Variants in ZNF462 observed in about 807,000 individuals in gnomAD.
The protein encoded by ZNF462 is zinc finger protein 462.
In ZNF462, 10 loss-of-function variants were observed where a neutral mutation model predicts 201.9. The ratio of observed to expected loss-of-function variants is 0.05; its 90% confidence interval spans 0.03 to 0.08. The LOEUF (loss-of-function observed/expected upper bound fraction) is 0.08. ZNF462 is among the 10% of genes least tolerant of loss of function. The pLI is 1.00. For missense variants in ZNF462, 2,523 were observed against 3,168.3 expected (o/e 0.80, Z 4.89); for synonymous variants, 1,227 against 1,193.3 (o/e 1.03, Z -0.58).
intron 10 of ZNF462, among the ~76,000 whole-genome samples, chr9:106,994,466 T>G (rs1191152979): frequency 6.6e-6 from 1 of 152,138 alleles, no homozygotes; most frequent in African/African-American, 2.4e-5. Context: ...AAGAAGAATT[T>G]TTCCCAAATC....
At chr9:106,860,798 C>T (rs927047013), upstream of ZNF462, among the ~76,000 whole-genome samples, 2 of 152,150 alleles carry the variant, frequency 1.3e-5, no homozygotes, top group African/African-American at 4.8e-5. The surrounding 1 kb of genome is among the most constrained non-coding windows in gnomAD (Gnocchi z 7.1). Flanking sequence ...AGACACCCCC[C>T]GGGTCCCGGT....
In ZNF462 at chr9:106,972,344, C is replaced by T. The variant is rs1826665307; in HGVS notation, c.6695+72C>T. The T allele has an allele frequency of 6.5e-7, 1 of 1,548,072 alleles. No individual in the cohort carries two copies. Among genetic ancestry groups the T allele is most frequent in the Admixed American group, 1.9e-5 (1 of 52,510 alleles). ...GCTCCACCCCTCACTGCAGGCTTCC[C>T]TTACACTTTCCTACTTGGAGCTTAT... On this transcript the variant is annotated intron_variant, in intron 8 of 12. Coordinates refer to ENST00000277225, the MANE Select transcript of ZNF462 (RefSeq NM_021224.6). The surrounding 1 kb of genome is among the most constrained non-coding windows in gnomAD (Gnocchi z 4.8).
intron 7 of ZNF462, among the ~76,000 whole-genome samples, chr9:106,964,256 G>A (rs565190426): frequency 7.2e-5 from 11 of 152,014 alleles, no homozygotes; most frequent in Middle Eastern, 3.4e-3. Flanking sequence ...GCTATTTTCC[G>A]TGAGACTGTA....
rs1191215174 is a variant in ZNF462 at position 106,865,475 on chromosome 9, TA to T, written c.-31+2126del. ...TGATTTGAGTTGATTTCTGCAAATATAAAAAATAATAAGAATAATCCTGCAA... is the reference window on the plus strand; with the variant it reads ...TGATTTGAGTTGATTTCTGCAAATATAAAAATAATAAGAATAATCCTGCAA... On this transcript the variant is annotated intron_variant, in intron 1 of 12. Coordinates refer to ENST00000277225, the MANE Select transcript of ZNF462 (RefSeq NM_021224.6). This position sits in a 1 kb window ranked among gnomAD's most constrained non-coding sequence, Gnocchi z 4.1. 6.6e-6 allele frequency among the ~76,000 whole-genome samples: 1 copy of T among 152,178 alleles called. No homozygotes were observed. The highest frequency in any genetic ancestry group is 2.4e-5 in the African/African-American group (1 of 41,436).
chr9:106,862,951 TTCTC>T (rs1328714890), upstream of ZNF462: 1 of 394,188 alleles, frequency 2.5e-6, no homozygotes, highest in East Asian at 3.6e-5. The surrounding 1 kb of genome is among the most constrained non-coding windows in gnomAD (Gnocchi z 4.2). Flanking sequence ...ATTGTCTTCC[TTCTC>T]TCTTTCTGTC....
chr9:106,939,159 G>T, intron 7 of ZNF462, 52 bp downstream of exon 7: 1 of 1,432,506 alleles, frequency 7.0e-7, no homozygotes, highest in Non-Finnish European at 9.3e-7. Flanking sequence ...GAGGTGGGCT[G>T]GGATTCATTG....
At chr9:106,912,380 G>T (rs534376852) in intron 1 of ZNF462, among the ~76,000 whole-genome samples, 1 of 151,890 alleles carries the variant, frequency 6.6e-6, no homozygotes, top group East Asian at 1.9e-4. Flanking sequence ...TGCCTAAGAA[G>T]TTCTTTGAAT....
At chr9:106,971,714 G>A (rs942719897) in intron 7 of ZNF462, among the ~76,000 whole-genome samples, 4 of 152,130 alleles carry the variant, frequency 2.6e-5, no homozygotes, top group Non-Finnish European at 5.9e-5. Flanking sequence ...AATTTGTGTG[G>A]TGTACTTGAA....
chr9:106,920,465 T>C lies in ZNF462; in HGVS notation c.-30-2889T>C, dbSNP rs1206065949. On this transcript the variant is annotated intron_variant, in intron 1 of 12. Transcript: ENST00000277225. The surrounding 1 kb of genome is among the most constrained non-coding windows in gnomAD (Gnocchi z 4.3). Reference sequence around the variant, plus strand: ...TTCAGTACTTGGTGCAGACATGAAATTGAAGGCCATTCAGCTCTACCTGAT... The same window carrying C: ...TTCAGTACTTGGTGCAGACATGAAACTGAAGGCCATTCAGCTCTACCTGAT... Among the ~76,000 whole-genome samples, 1 of 152,216 alleles carries C rather than the reference T, an allele frequency of 6.6e-6. No homozygotes were observed. Among genetic ancestry groups the C allele is most frequent in the Non-Finnish European group, 1.5e-5 (1 of 68,034 alleles).
In ZNF462 at chr9:106,993,262, A is replaced by T. The variant is rs1372690120; in HGVS notation, c.7056+8853A>T. 1.3e-5 allele frequency among the ~76,000 whole-genome samples: 2 copies of T among 152,118 alleles called. No homozygotes were observed. The highest frequency in any genetic ancestry group is 4.8e-5 in the African/African-American group (2 of 41,430). On this transcript the variant is annotated intron_variant, in intron 10 of 12. Coordinates refer to ENST00000277225, the MANE Select transcript of ZNF462 (RefSeq NM_021224.6). The surrounding 1 kb of genome is among the most constrained non-coding windows in gnomAD (Gnocchi z 4.0). Reference sequence around the variant, plus strand: ...TCAGACTATATCATCCACGGACTGGACAGAATCCTGGTACCAGCAAGAAAG... The same window carrying T: ...TCAGACTATATCATCCACGGACTGGTCAGAATCCTGGTACCAGCAAGAAAG...
At chr9:107,004,875 C>G (rs1829439055) in intron 11 of ZNF462, among the ~76,000 whole-genome samples, 1 of 151,974 alleles carries the variant, frequency 6.6e-6, no homozygotes, top group Non-Finnish European at 1.5e-5. Flanking sequence ...CTCCCCAAAC[C>G]CCGAGCCCCT....
At chr9:106,887,176 T>G (rs1828358172) in intron 1 of ZNF462, among the ~76,000 whole-genome samples, 1 of 152,100 alleles carries the variant, frequency 6.6e-6, no homozygotes, top group Non-Finnish European at 1.5e-5. Context: ...AATGATAAGG[T>G]TTTCACCATA....
Position 106,923,513 on chromosome 9 carries a change from C to G in ZNF462, c.130C>G (p.Leu44Val). The G allele has an allele frequency of 6.2e-7, 1 of 1,614,200 alleles. No individual in the cohort carries two copies. The highest frequency in any genetic ancestry group is 8.5e-7 in the Non-Finnish European group (1 of 1,180,046). Residue 44 changes from leucine to valine, a missense_variant, in exon 2 of 13, where the codon CTA becomes GTA. Transcript: ENST00000277225. The surrounding 1 kb of genome is among the most constrained non-coding windows in gnomAD (Gnocchi z 5.6). Reference sequence around the variant, plus strand: ...TGTTGCTGAGGACAATGTGAATGAGCTACGATGTGGGTCCGTGAATGCCAG... The same window carrying G: ...TGTTGCTGAGGACAATGTGAATGAGGTACGATGTGGGTCCGTGAATGCCAG... ...TDVAEDNVNELRCGSVNASNQ... is the reference protein window; with the variant it reads ...TDVAEDNVNEVRCGSVNASNQ...
At chr9:106,983,201 G>A (rs1359603384) in intron 9 of ZNF462, among the ~76,000 whole-genome samples, 1 of 152,204 alleles carries the variant, frequency 6.6e-6, no homozygotes, top group Non-Finnish European at 1.5e-5. Context: ...ACACAAGGGT[G>A]AGAGAGTGCA....
In ZNF462 at chr9:106,883,881, A is replaced by C. The variant is rs1828207114; in HGVS notation, c.-31+20526A>C. On this transcript the variant is annotated intron_variant, in intron 1 of 12. Coordinates refer to ENST00000277225, the MANE Select transcript of ZNF462 (RefSeq NM_021224.6). The surrounding 1 kb of genome is among the most constrained non-coding windows in gnomAD (Gnocchi z 4.9). ...CAAGTGTTTGTTTTAACAGCTTCAG[A>C]ATGTGAAGAATCTGTAGGTCTAGTC... Among the ~76,000 whole-genome samples the C allele has an allele frequency of 6.6e-6, 1 of 152,184 alleles. No homozygotes were observed. The highest frequency in any genetic ancestry group is 1.5e-5 in the Non-Finnish European group (1 of 68,028).
chr9:106,987,472 G>A (rs1827941113), intron 10 of ZNF462, among the ~76,000 whole-genome samples: 1 of 152,044 alleles, frequency 6.6e-6, no homozygotes, highest in Non-Finnish European at 1.5e-5. Context: ...CTTCTTTTGA[G>A]AACTGTCTAT....
chr9:106,893,785 A>G (rs184438323), intron 1 of ZNF462, among the ~76,000 whole-genome samples: 4 of 152,310 alleles, frequency 2.6e-5, no homozygotes, highest in Non-Finnish European at 5.9e-5. Flanking sequence ...TCTATTTAGC[A>G]TATGAGAAAA....
rs748438762 is a variant in ZNF462, at chr9:106,974,307, C to CG, written c.6832+40dup. ...TCTAACTTGGTTTTCTTGGATGCAG[C>CG]GGGGGGCAGGCAGCAGAGATGGCCT... On this transcript the variant is annotated intron_variant, in intron 9 of 12. Transcript: ENST00000277225. This position sits in a 1 kb window ranked among gnomAD's most constrained non-coding sequence, Gnocchi z 4.0. 1.2e-6 allele frequency: 2 copies of CG among 1,613,678 alleles called. No individual in the cohort carries two copies. Among genetic ancestry groups the CG allele is most frequent in the East Asian group, 4.5e-5 (2 of 44,862 alleles).
chr9:106,864,426 T>G (rs1356399082), intron 1 of ZNF462, among the ~76,000 whole-genome samples: 1 of 152,040 alleles, frequency 6.6e-6, no homozygotes, highest in Non-Finnish European at 1.5e-5. Flanking sequence ...CTGCCCTCCT[T>G]CCAGGCACGA....
Sources: gnomAD v4.1 joint callset for allele counts (sites outside exome capture counted in the v4.1 genomes callset) on GRCh38, gnomAD v4.1.1 for gene constraint, Gnocchi (gnomAD v3.1) non-coding constraint, MANE v1.5 for transcripts, NCBI Gene and HGNC (gene_info 2026-07-23, HGNC 2026-07-21) for gene names.